Variants in XKR9 observed in about 807,000 individuals in gnomAD.
XKR9 encodes XK-related protein 9.
XKR9 carries 32 observed loss-of-function variants against 32.0 expected under a neutral mutation model. The ratio of observed to expected loss-of-function variants is 1.00; its 90% CI spans 0.76 to 1.34. The LOEUF (loss-of-function observed/expected upper bound fraction) is 1.34. Among genes scored for constraint, XKR9 ranks in the 40% most tolerant of loss-of-function variants. XKR9 has a pLI of 0.00. For synonymous variants in XKR9, 168 were observed against 143.4 expected (o/e 1.17, Z -1.22); for missense variants, 546 against 429.7 (o/e 1.27, Z -2.39).
chr8:70,816,562 C>G, the XKR9 span, among the ~76,000 whole-genome samples: 27 of 152,180 alleles, frequency 1.8e-4, no homozygotes, highest in African/African-American at 6.5e-4. Flanking sequence ...ACAAACATCA[C>G]CAAGGCATGT....
chr8:70,882,517 CA>C, the XKR9 span, among the ~76,000 whole-genome samples: 1 of 151,662 alleles, frequency 6.6e-6, no homozygotes, highest in Non-Finnish European at 1.5e-5. Context: ...TTACATATGA[CA>C]AAATTCACTC....
At chr8:70,756,601 G>T (rs921795861) in intron 2 of XKR9, among the ~76,000 whole-genome samples, 4 of 152,104 alleles carry the variant, frequency 2.6e-5, no homozygotes, top group Admixed American at 2.0e-4. Context: ...ATTACTAAGT[G>T]TTATATCCTT....
intron 4 of XKR9, among the ~76,000 whole-genome samples, chr8:70,721,626 T>C (rs551707120): frequency 3.3e-4 from 50 of 152,324 alleles, no homozygotes; most frequent in African/African-American, 1.2e-3. Flanking sequence ...GTGAGTTTCT[T>C]AATCCTGAGT....
At chr8:71,062,223 G>A in the XKR9 span, among the ~76,000 whole-genome samples, 2 of 152,206 alleles carry the variant, frequency 1.3e-5, no homozygotes, top group African/African-American at 4.8e-5. Context: ...CTAAGGGAAA[G>A]AGTTTCATAG....
the XKR9 span, among the ~76,000 whole-genome samples, chr8:70,900,833 T>A: frequency 6.6e-6 from 1 of 152,092 alleles, no homozygotes; most frequent in East Asian, 1.9e-4. Flanking sequence ...CTACAGGCCC[T>A]GGTGTGTGAT....
At chr8:70,746,832 G>T (rs1376588773) in intron 2 of XKR9, among the ~76,000 whole-genome samples, 1 of 151,558 alleles carries the variant, frequency 6.6e-6, no homozygotes, top group Non-Finnish European at 1.5e-5. Flanking sequence ...ATTATGTGAT[G>T]CTGAGGTTTT....
At chr8:71,058,640 G>A in the XKR9 span, among the ~76,000 whole-genome samples, 1 of 152,228 alleles carries the variant, frequency 6.6e-6, no homozygotes, top group Non-Finnish European at 1.5e-5. Context: ...CAGCATCATT[G>A]AAGACACTTG....
At chr8:71,055,429 G>A in the XKR9 span, among the ~76,000 whole-genome samples, 3 of 152,306 alleles carry the variant, frequency 2.0e-5, no homozygotes, top group South Asian at 6.2e-4. Flanking sequence ...TTGCAGAACA[G>A]CTTCATTCCC....
chr8:70,906,623 T>G, the XKR9 span, among the ~76,000 whole-genome samples: 1 of 152,202 alleles, frequency 6.6e-6, no homozygotes, highest in African/African-American at 2.4e-5. Flanking sequence ...AGGTAAACAC[T>G]TATCTACATA....
intron 2 of XKR9, among the ~76,000 whole-genome samples, chr8:70,781,484 T>C (rs748206867): frequency 1.3e-4 from 20 of 151,842 alleles, no homozygotes; most frequent in Admixed American, 8.5e-4. Flanking sequence ...GATGGTCAAA[T>C]CACGGTAATC....
the XKR9 span, among the ~76,000 whole-genome samples, chr8:70,946,599 G>A: frequency 6.6e-6 from 1 of 152,094 alleles, no homozygotes; most frequent in South Asian, 2.1e-4. Flanking sequence ...AGAGAAACTG[G>A]GATTAAAATG....
chr8:70,797,273 G>T, the XKR9 span, among the ~76,000 whole-genome samples: 1 of 152,246 alleles, frequency 6.6e-6, no homozygotes, highest in Non-Finnish European at 1.5e-5. Context: ...GTGTCACCTG[G>T]CTGAGAGTAC....
chr8:70,803,103 T>C, the XKR9 span, among the ~76,000 whole-genome samples: 1 of 152,222 alleles, frequency 6.6e-6, no homozygotes, highest in African/African-American at 2.4e-5. Flanking sequence ...GACATAGATT[T>C]GGTCTCTTTA....
the XKR9 span, among the ~76,000 whole-genome samples, chr8:71,007,118 C>T: frequency 4.6e-5 from 7 of 152,106 alleles, no homozygotes; most frequent in East Asian, 1.9e-4. Flanking sequence ...TCTCAATGTC[C>T]GCGATTATAC....
the XKR9 span, among the ~76,000 whole-genome samples, chr8:70,906,502 G>A: frequency 6.6e-6 from 1 of 152,152 alleles, no homozygotes; most frequent in Non-Finnish European, 1.5e-5. Flanking sequence ...TATAGAGCTA[G>A]TACCTGTGGT....
the XKR9 span, among the ~76,000 whole-genome samples, chr8:70,819,130 T>C: frequency 6.6e-6 from 1 of 152,222 alleles, no homozygotes; most frequent in Non-Finnish European, 1.5e-5. Context: ...AGCTTGGATC[T>C]GTTCTTTCAC....
At chr8:70,993,204 C>A in the XKR9 span, among the ~76,000 whole-genome samples, 1 of 152,136 alleles carries the variant, frequency 6.6e-6, no homozygotes, top group East Asian at 1.9e-4. Flanking sequence ...CTTCTCCTAC[C>A]CTAGCACAGC....
chr8:70,929,444 T>C, the XKR9 span, among the ~76,000 whole-genome samples: 2 of 152,210 alleles, frequency 1.3e-5, no homozygotes, highest in African/African-American at 4.8e-5. Context: ...ACCTATTTAA[T>C]TAGTTAAGCC....
the XKR9 span, among the ~76,000 whole-genome samples, chr8:71,021,752 C>T: frequency 3.3e-5 from 5 of 152,202 alleles, no homozygotes; most frequent in South Asian, 2.1e-4. Context: ...CCGCCCGTCT[C>T]GGCCTCCCAA....
Sources: allele counts gnomAD v4.1 joint callset (sites outside exome capture counted in the v4.1 genomes callset), GRCh38; gene constraint gnomAD v4.1.1; transcripts MANE v1.5; gene names NCBI Gene and HGNC (gene_info 2026-07-23, HGNC 2026-07-21).